NDUFA8: variants seen among roughly 807,000 people sequenced by gnomAD.
NDUFA8 encodes the protein NADH:ubiquinone oxidoreductase subunit A8, also known as NADH dehydrogenase [ubiquinone] 1 alpha subcomplex subunit 8.
Under a neutral mutation model 20.9 loss-of-function variants are expected in NDUFA8, and 16 were observed. That is an observed-to-expected ratio of 0.77 (90% CI 0.52 to 1.16). NDUFA8 has a LOEUF of 1.16. Ranked by LOEUF, NDUFA8 falls within the 50% of genes most tolerant of loss-of-function variation. The pLI, the probability that NDUFA8 is intolerant of heterozygous loss-of-function variation, is 0.00. For missense variants in NDUFA8, 202 were observed against 216.4 expected (o/e 0.93, Z 0.42); for synonymous variants, 70 against 76.1 (o/e 0.92, Z 0.41).
chr9:122,150,440 A>G (rs1254005913), intron 2 of NDUFA8, among the ~76,000 whole-genome samples: 1 of 149,884 alleles, frequency 6.7e-6, no homozygotes, highest in African/African-American at 2.4e-5. Flanking sequence ...AAAAAAAAGC[A>G]ATACAGTTCA....
In NDUFA8 at chr9:122,158,356, G is replaced by C. The variant is rs1243275155; in HGVS notation, c.51+1271C>G. Among the ~76,000 whole-genome samples, 14 of 151,930 alleles carry C rather than the reference G, an allele frequency of 9.2e-5. No homozygotes were observed. In the East Asian group the frequency reaches 2.7e-3, roughly 29 times the overall value. Reference sequence around the variant, plus strand: ...AGTCCAAACTGTTTGGTCTGGCCTTGTAGAAGCTGCTTCCAAGTCCTATCT... The same window carrying C: ...AGTCCAAACTGTTTGGTCTGGCCTTCTAGAAGCTGCTTCCAAGTCCTATCT... On this transcript the variant is annotated intron_variant, in intron 1 of 3. Coordinates refer to ENST00000373768, the MANE Select transcript of NDUFA8 (RefSeq NM_014222.3).
chr9:122,145,653 G>A (rs1027571022), intron 3 of NDUFA8, among the ~76,000 whole-genome samples: 34 of 152,208 alleles, frequency 2.2e-4, no homozygotes, highest in African/African-American at 8.0e-4. Flanking sequence ...CTAGTGCACA[G>A]ATGAAGACCA....
chr9:122,146,624 C>A (rs567608949), intron 3 of NDUFA8, among the ~76,000 whole-genome samples: 1 of 152,118 alleles, frequency 6.6e-6, no homozygotes, highest in Non-Finnish European at 1.5e-5. Context: ...GGAACTAGAC[C>A]GGGTATGGTG....
intron 2 of NDUFA8, among the ~76,000 whole-genome samples, chr9:122,151,645 G>A (rs1829000357): frequency 6.6e-6 from 1 of 152,228 alleles, no homozygotes; most frequent in African/African-American, 2.4e-5. Flanking sequence ...TTAAGCCCTT[G>A]AATCCAGCCC....
chr9:122,157,489 T>G (rs563500929), intron 1 of NDUFA8, among the ~76,000 whole-genome samples: 2 of 152,372 alleles, frequency 1.3e-5, no homozygotes, highest in East Asian at 3.9e-4. Context: ...ACACCTTGTC[T>G]TGTATTTTAG....
intron 2 of NDUFA8, among the ~76,000 whole-genome samples, chr9:122,148,489 ATTTC>A (rs1828941281): frequency 6.6e-6 from 1 of 152,180 alleles, no homozygotes; most frequent in Non-Finnish European, 1.5e-5. Context: ...AGAAAACCTA[ATTTC>A]TTTATATAGT....
In NDUFA8 at chr9:122,152,364, A is replaced by G. The variant is rs1829016280; in HGVS notation, c.96T>C (p.Tyr32=). Residue 32 remains tyrosine (Y), a synonymous_variant, in exon 2 of 4, where the codon TAT becomes TAC. Transcript: ENST00000373768. ...SAVLKAAAHH[Y]GAQCDKPNKE... is the part of the protein sequence containing the mutation. The stretch of plus-strand genomic sequence containing the variant: ...TGTTGGGCTTATCACATTGAGCTCC[A>G]TAGTGATGGGCCGCAGCTTTAAGCA... 6.2e-7 allele frequency: 1 copy of G among 1,614,052 alleles called. No individual in the cohort carries two copies. Among genetic ancestry groups the G allele is most frequent in the South Asian group, 1.1e-5 (1 of 91,080 alleles).
intron 2 of NDUFA8, among the ~76,000 whole-genome samples, chr9:122,151,386 T>C (rs566538075): frequency 2.6e-4 from 39 of 152,336 alleles, no homozygotes; most frequent in African/African-American, 8.7e-4. Flanking sequence ...TGCAATGATA[T>C]GTATACGAAG....
chr9:122,157,573 T>C (rs944647443), intron 1 of NDUFA8, among the ~76,000 whole-genome samples: 7 of 152,006 alleles, frequency 4.6e-5, no homozygotes, highest in Non-Finnish European at 7.3e-5. Flanking sequence ...GATACATCAG[T>C]TGTATGAAGT....
chr9:122,153,994 C>T (rs1158392214), intron 1 of NDUFA8, among the ~76,000 whole-genome samples: 2 of 152,162 alleles, frequency 1.3e-5, no homozygotes, highest in East Asian at 3.9e-4. Context: ...CATACTTGTT[C>T]TTTCCTCTCT....
At chr9:122,134,192 C>T in the NDUFA8 span, among the ~76,000 whole-genome samples, 1 of 152,206 alleles carries the variant, frequency 6.6e-6, no homozygotes, top group African/African-American at 2.4e-5. Flanking sequence ...TGTGATTTGA[C>T]AGTTTTCATG....
In NDUFA8 at chr9:122,153,127, C is replaced by T. The variant is rs1429796072; in HGVS notation, c.52-719G>A. Among the ~76,000 whole-genome samples the T allele has an allele frequency of 5.3e-5, 8 of 151,998 alleles. No individual in the cohort carries two copies. The East Asian group carries it at 9.7e-4, about 18-fold the overall frequency. ...TAAAGATACTAGAGATGTATCTGGG[C>T]GTGGTGGTGCACACCTGTAATCCCA... On this transcript the variant is annotated intron_variant, in intron 1 of 3. Coordinates refer to ENST00000373768, the MANE Select transcript of NDUFA8 (RefSeq NM_014222.3).
At chr9:122,144,484 C>T in intron 3 of NDUFA8, 106 bp from the exon 4 acceptor site, 1 of 1,049,012 alleles carries the variant, frequency 9.5e-7, no homozygotes, top group South Asian at 1.3e-5. Flanking sequence ...GCTGCTACAA[C>T]TGCTCCCCGA....
At chr9:122,142,354 C>CGACCACCGA (rs1828834915), downstream of NDUFA8, among the ~76,000 whole-genome samples, 1 of 152,154 alleles carries the variant, frequency 6.6e-6, no homozygotes, top group Non-Finnish European at 1.5e-5. Context: ...ATCAGTATGT[C>CGACCACCGA]GTTCTACACC....
intron 3 of NDUFA8, among the ~76,000 whole-genome samples, chr9:122,145,786 A>G (rs1828895998): frequency 6.6e-6 from 1 of 152,236 alleles, no homozygotes; most frequent in South Asian, 2.1e-4. Flanking sequence ...CCCTGTCATA[A>G]GTACAGATGG....
At chr9:122,135,305 T>G in the NDUFA8 span, among the ~76,000 whole-genome samples, 1 of 152,246 alleles carries the variant, frequency 6.6e-6, no homozygotes. Context: ...AGGGCAGCAC[T>G]GTTGTTATTC....
At position 122,153,376 on chromosome 9, in the gene NDUFA8, T is replaced by TAGTCCATCTAGTAAC. The variant is rs67259276; in HGVS notation, c.52-969_52-968insGTTACTAGATGGACT. 6.7e-4 allele frequency among the ~76,000 whole-genome samples: 19 copies of TAGTCCATCTAGTAAC among 28,388 alleles called. 1 individual carries two copies. The highest frequency in any genetic ancestry group is 4.7e-3 in the Admixed American group (17 of 3,644). 18.6% of individuals were successfully genotyped at this position (28,388 alleles called of 152,430 possible). ...GCTGGAAGAGATCACAAAGAGCATC[T>TAGTCCATCTAGTAAC]AGTCCATCTAGTAATAGTCCATCTA... On this transcript the variant is annotated intron_variant, in intron 1 of 3. Transcript: ENST00000373768.
the NDUFA8 span, among the ~76,000 whole-genome samples, chr9:122,136,786 A>G: frequency 2.0e-5 from 3 of 151,936 alleles, no homozygotes; most frequent in Non-Finnish European, 2.9e-5. Flanking sequence ...CAAACTCCTG[A>G]CCTCGTGATC....
the NDUFA8 span, among the ~76,000 whole-genome samples, chr9:122,137,226 T>C: frequency 7.3e-6 from 1 of 137,712 alleles, no homozygotes; most frequent in East Asian, 2.1e-4. Context: ...TGAAACAATT[T>C]CTTTTCCTTT....
Sources: gnomAD v4.1 joint callset for allele counts (sites outside exome capture counted in the v4.1 genomes callset) on GRCh38, gnomAD v4.1.1 for gene constraint, MANE v1.5 for transcripts, NCBI Gene and HGNC (gene_info 2026-07-23, HGNC 2026-07-21) for gene names.